The following NEMP2 variants were observed in gnomAD, a reference collection of about 807,000 sequenced individuals.
NEMP2 encodes nuclear envelope integral membrane protein 2.
NEMP2 carries 53 observed loss-of-function variants against 54.2 expected under a neutral mutation model. The ratio of observed to expected loss-of-function variants is 0.98; its 90% confidence interval spans 0.78 to 1.23. NEMP2 has a LOEUF of 1.23. NEMP2 is among the 50% of genes most tolerant of loss of function. NEMP2 has a pLI of 0.00. For missense variants in NEMP2, 455 were observed against 511.3 expected (o/e 0.89, Z 1.06); for synonymous variants, 197 against 190.3 (o/e 1.04, Z -0.29).
chr2:190,643,702 G>A, the NEMP2 span, among the ~76,000 whole-genome samples: 1 of 152,196 alleles, frequency 6.6e-6, no homozygotes, highest in African/African-American at 2.4e-5. Flanking sequence ...ATCCTTGGGA[G>A]GTGAGCTTCA....
intron 1 of NEMP2, chr2:190,534,239 C>G (rs567151997): frequency 8.7e-5 from 96 of 1,099,870 alleles, no homozygotes; most frequent in Admixed American, 1.0e-4. Flanking sequence ...CAGTGACAAG[C>G]TGTGTGACCC....
chr2:190,493,522 AC>A, the NEMP2 span, among the ~76,000 whole-genome samples: 7 of 152,210 alleles, frequency 4.6e-5, no homozygotes, highest in South Asian at 1.2e-3. Flanking sequence ...ATACCCTGGA[AC>A]AAATGAACTT....
At chr2:190,558,805 G>A in the NEMP2 span, among the ~76,000 whole-genome samples, 4 of 152,134 alleles carry the variant, frequency 2.6e-5, no homozygotes, top group Non-Finnish European at 4.4e-5. This position sits in a 1 kb window ranked among gnomAD's most constrained non-coding sequence, Gnocchi z 4.4. Flanking sequence ...TTAGATGAAT[G>A]GCTTTTGAAC....
the NEMP2 span, among the ~76,000 whole-genome samples, chr2:190,543,942 C>T: frequency 6.6e-6 from 1 of 152,120 alleles, no homozygotes; most frequent in African/African-American, 2.4e-5. This position sits in a 1 kb window ranked among gnomAD's most constrained non-coding sequence, Gnocchi z 4.7. Flanking sequence ...AAATTCAGCT[C>T]ATGTGAGAAA....
chr2:190,470,067 C>G, the NEMP2 span, among the ~76,000 whole-genome samples: 10 of 152,262 alleles, frequency 6.6e-5, no homozygotes, highest in Admixed American at 3.9e-4. Context: ...CAAAGCTGGA[C>G]TTGATCCACA....
the NEMP2 span, among the ~76,000 whole-genome samples, chr2:190,560,269 G>T: frequency 6.6e-6 from 1 of 152,146 alleles, no homozygotes; most frequent in Non-Finnish European, 1.5e-5. The surrounding 1 kb of genome is among the most constrained non-coding windows in gnomAD (Gnocchi z 5.4). Flanking sequence ...AAAGCAGTAG[G>T]CAGAGGCAAA....
At chr2:190,461,648 C>T in the NEMP2 span, among the ~76,000 whole-genome samples, 5 of 152,136 alleles carry the variant, frequency 3.3e-5, no homozygotes, top group Non-Finnish European at 7.4e-5. The surrounding 1 kb of genome is among the most constrained non-coding windows in gnomAD (Gnocchi z 5.5). Context: ...TCTCTCATGG[C>T]AGAAGGCAGA....
At chr2:190,524,928 C>T (rs975409621) in intron 2 of NEMP2, among the ~76,000 whole-genome samples, 6 of 152,178 alleles carry the variant, frequency 3.9e-5, no homozygotes, top group African/African-American at 1.2e-4. Context: ...TCCAGAATTT[C>T]TATTTGGAGG....
At chr2:190,464,574 A>G in the NEMP2 span, among the ~76,000 whole-genome samples, 6 of 152,072 alleles carry the variant, frequency 3.9e-5, no homozygotes, top group Admixed American at 6.6e-5. Flanking sequence ...TTGAGATTCT[A>G]TGGTGAACCC....
At chr2:190,582,161 T>C in the NEMP2 span, among the ~76,000 whole-genome samples, 11 of 152,210 alleles carry the variant, frequency 7.2e-5, no homozygotes, top group Admixed American at 3.3e-4. The surrounding 1 kb of genome is among the most constrained non-coding windows in gnomAD (Gnocchi z 4.6). Flanking sequence ...TGAGAGTCAA[T>C]TGAGGCCTCT....
At chr2:190,427,527 T>C in the NEMP2 span, among the ~76,000 whole-genome samples, 1 of 152,230 alleles carries the variant, frequency 6.6e-6, no homozygotes, top group African/African-American at 2.4e-5. Flanking sequence ...CCCATCAGTA[T>C]TTCTTGGTTC....
chr2:190,435,987 C>T, the NEMP2 span: 1 of 1,561,292 alleles, frequency 6.4e-7, no homozygotes, highest in Non-Finnish European at 8.7e-7. Context: ...ATCAACAGTA[C>T]AAATTCTGAA....
the NEMP2 span, chr2:190,497,399 A>T: frequency 6.3e-7 from 1 of 1,595,024 alleles, no homozygotes; most frequent in Non-Finnish European, 8.6e-7. The surrounding 1 kb of genome is among the most constrained non-coding windows in gnomAD (Gnocchi z 5.2). Flanking sequence ...AATATGTAGA[A>T]AATGCTGAAA....
the NEMP2 span, among the ~76,000 whole-genome samples, chr2:190,634,511 G>A: frequency 6.6e-6 from 1 of 152,182 alleles, no homozygotes; most frequent in East Asian, 1.9e-4. This position sits in a 1 kb window ranked among gnomAD's most constrained non-coding sequence, Gnocchi z 6.8. Context: ...CCTACAAAAT[G>A]TAGTAGTGCA....
rs1690390510 is a variant in NEMP2, at chr2:190,512,188, TA to T, written c.954-1652del. Among the ~76,000 whole-genome samples, 1 of 152,150 alleles carries T rather than the reference TA, an allele frequency of 6.6e-6. No homozygotes were observed. The highest frequency in any genetic ancestry group is 1.5e-5 in the Non-Finnish European group (1 of 68,026). On this transcript the variant is annotated intron_variant, in intron 7 of 8. Coordinates refer to ENST00000409150, the MANE Select transcript of NEMP2 (RefSeq NM_001142645.2). This position sits in a 1 kb window ranked among gnomAD's most constrained non-coding sequence, Gnocchi z 4.5. ...TCCTGGCTTTGAGATTTATTCACTA[TA>T]TGAACTTGGGGAATTCCTTAACAGT...
chr2:190,454,531 T>C, the NEMP2 span: 1 of 152,136 alleles, frequency 6.6e-6, no homozygotes, highest in Non-Finnish European at 1.5e-5. This position sits in a 1 kb window ranked among gnomAD's most constrained non-coding sequence, Gnocchi z 4.6. Context: ...TTCTCTTTCT[T>C]TACCCTTCCC....
the NEMP2 span, among the ~76,000 whole-genome samples, chr2:190,559,840 G>T: frequency 1.3e-5 from 2 of 152,202 alleles, no homozygotes; most frequent in Non-Finnish European, 2.9e-5. The surrounding 1 kb of genome is among the most constrained non-coding windows in gnomAD (Gnocchi z 4.0). Flanking sequence ...GGCTGCTCCA[G>T]GGAGGTAGCT....
the NEMP2 span, among the ~76,000 whole-genome samples, chr2:190,542,523 T>C: frequency 6.6e-5 from 10 of 152,312 alleles, no homozygotes; most frequent in Admixed American, 3.9e-4. This position sits in a 1 kb window ranked among gnomAD's most constrained non-coding sequence, Gnocchi z 4.6. Context: ...TGAGATTTGA[T>C]TTTTGAGGTA....
At chr2:190,635,122 G>A in the NEMP2 span, among the ~76,000 whole-genome samples, 2 of 152,170 alleles carry the variant, frequency 1.3e-5, no homozygotes, top group African/African-American at 4.8e-5. The surrounding 1 kb of genome is among the most constrained non-coding windows in gnomAD (Gnocchi z 4.1). Context: ...TGTACTTACA[G>A]GCTACCATTG....
Sources: gnomAD v4.1 joint callset for allele counts (sites outside exome capture counted in the v4.1 genomes callset) on GRCh38, gnomAD v4.1.1 for gene constraint, Gnocchi (gnomAD v3.1) non-coding constraint, MANE v1.5 for transcripts, NCBI Gene and HGNC (gene_info 2026-07-23, HGNC 2026-07-21) for gene names.